The following SUSD1 variants were observed in gnomAD, a reference collection of about 807,000 sequenced individuals.
The protein encoded by SUSD1 is sushi domain-containing protein 1.
In SUSD1, 65 loss-of-function variants were observed where a neutral mutation model predicts 86.9. The observed-to-expected ratio is 0.75, with a 90% confidence interval of 0.61 to 0.92. The LOEUF (loss-of-function observed/expected upper bound fraction) is 0.92, where lower values mean the gene tolerates loss of function less well. Ranked by LOEUF, SUSD1 falls within the 40% of genes least tolerant of loss-of-function variation. The pLI is 0.00. For synonymous variants in SUSD1, 346 were observed against 350.0 expected, an observed-to-expected ratio of 0.99 and a Z score of 0.13; for missense variants, 850 against 929.7, an observed-to-expected ratio of 0.91 and a Z score of 1.11.
Position 112,056,268 on chromosome 9 carries a change from A to G in SUSD1, c.2109+2160T>C, listed in dbSNP as rs1025239278. Among the ~76,000 whole-genome samples, 10 of 148,658 alleles carry G rather than the reference A, an allele frequency of 6.7e-5. No individual in the cohort carries two copies. In the South Asian group the frequency reaches 1.5e-3, roughly 22 times the overall value. On this transcript the variant is annotated intron_variant, in intron 14 of 16. Transcript: ENST00000374270. ...GGCAACAGAGCAAGACTCTGCCTCA[A>G]AAAAAAAAAAGACAGAAAGTAGAAT...
rs1831181554 is a variant in SUSD1, at chr9:112,113,314, A to G, written c.887-446T>C. On this transcript the variant is annotated intron_variant, in intron 6 of 16. Transcript: ENST00000374270. This position sits in a 1 kb window ranked among gnomAD's most constrained non-coding sequence, Gnocchi z 4.1. ...CACTGCTATCCCCAGGGGGAAAATG[A>G]CATGTCTCACCACACAGGACCATGC... Among the ~76,000 whole-genome samples the G allele has an allele frequency of 6.6e-6, 1 of 152,194 alleles. No individual in the cohort carries two copies. Among genetic ancestry groups the G allele is most frequent in the South Asian group, 2.1e-4 (1 of 4,826 alleles).
At chr9:112,161,162 G>A (rs560688647) in intron 1 of SUSD1, among the ~76,000 whole-genome samples, 1 of 151,840 alleles carries the variant, frequency 6.6e-6, no homozygotes, top group African/African-American at 2.4e-5. Flanking sequence ...TGGATCACTC[G>A]AGGTCAGGAG....
intron 8 of SUSD1, among the ~76,000 whole-genome samples, chr9:112,109,612 C>T (rs547185677): frequency 1.4e-4 from 21 of 152,196 alleles, no homozygotes; most frequent in Admixed American, 4.6e-4. Flanking sequence ...GATGCAAAAC[C>T]GGATCTGCCT....
intron 2 of SUSD1, among the ~76,000 whole-genome samples, chr9:112,156,323 A>T (rs569638547): frequency 6.6e-6 from 1 of 151,966 alleles, no homozygotes; most frequent in Non-Finnish European, 1.5e-5. Flanking sequence ...TTAGCTGGGC[A>T]TGGTGGCACA....
chr9:112,142,940 C>T (rs1162256012), intron 4 of SUSD1, among the ~76,000 whole-genome samples: 1 of 115,686 alleles, frequency 8.6e-6, no homozygotes, highest in African/African-American at 3.2e-5. Context: ...AATAAAAATC[C>T]TTTAAGTTTA....
intron 15 of SUSD1, among the ~76,000 whole-genome samples, chr9:112,043,694 T>C (rs1827838884): frequency 6.6e-6 from 1 of 152,228 alleles, no homozygotes; most frequent in Non-Finnish European, 1.5e-5. Flanking sequence ...GCCAAGAGCC[T>C]TTCTAGAAAA....
intron 1 of SUSD1, chr9:112,173,920 T>A: frequency 3.9e-6 from 1 of 259,538 alleles, no homozygotes; most frequent in South Asian, 4.4e-5. Flanking sequence ...ATGCCGTTTC[T>A]GTGCCATTTT....
intron 6 of SUSD1, among the ~76,000 whole-genome samples, chr9:112,115,927 A>G (rs1442603011): frequency 2.6e-5 from 4 of 152,050 alleles, no homozygotes; most frequent in Non-Finnish European, 2.9e-5. Context: ...TGATGTTGGT[A>G]CCAGTCTTTT....
In SUSD1 at chr9:112,098,667, C is replaced by A; in HGVS notation, c.1282-5G>T. On this transcript the variant is annotated splice_polypyrimidine_tract_variant and splice_region_variant and intron_variant, in intron 9 of 16. Coordinates refer to ENST00000374270, the MANE Select transcript of SUSD1 (RefSeq NM_022486.5). Reference sequence around the variant, plus strand: ...CCTCTGACCCAGAACGGTAAACTGTCATGAGATTAAAAGAAAGTGTTACAT... The same window carrying A: ...CCTCTGACCCAGAACGGTAAACTGTAATGAGATTAAAAGAAAGTGTTACAT... The A allele has an allele frequency of 6.2e-7, 1 of 1,613,920 alleles. No individual in the cohort carries two copies. The highest frequency in any genetic ancestry group is 1.1e-5 in the South Asian group (1 of 91,028).
At chr9:112,117,220 C>A (rs1018307400) in intron 6 of SUSD1, among the ~76,000 whole-genome samples, 6 of 152,222 alleles carry the variant, frequency 3.9e-5, no homozygotes, top group African/African-American at 1.4e-4. Context: ...CATCCCCTAG[C>A]CAAGAAGGGC....
At chr9:112,070,455 T>C (rs1829219833) in intron 12 of SUSD1, among the ~76,000 whole-genome samples, 1 of 152,230 alleles carries the variant, frequency 6.6e-6, no homozygotes, top group African/African-American at 2.4e-5. Flanking sequence ...CCCAAACTGA[T>C]GTCCTGGGTA....
chr9:112,144,858 G>A (rs573047425), intron 3 of SUSD1, among the ~76,000 whole-genome samples: 12 of 152,066 alleles, frequency 7.9e-5, no homozygotes, highest in Non-Finnish European at 1.3e-4. Flanking sequence ...GCAGGTATAG[G>A]GTAAAAACTG....
At chr9:112,152,296 T>C (rs911630729) in intron 2 of SUSD1, among the ~76,000 whole-genome samples, 24 of 152,158 alleles carry the variant, frequency 1.6e-4, no homozygotes, top group Admixed American at 5.9e-4. Flanking sequence ...TTTTAACTTA[T>C]TGACTCTTTT....
chr9:112,091,983 C>T (rs1314720280), intron 10 of SUSD1, among the ~76,000 whole-genome samples: 1 of 152,178 alleles, frequency 6.6e-6, no homozygotes, highest in Non-Finnish European at 1.5e-5. Flanking sequence ...CTTGGCTCAG[C>T]TCCCCAGGCT....
rs1832614050 is a variant in SUSD1, at chr9:112,142,364, C to A, written c.662G>T (p.Cys221Phe). The A allele has an allele frequency of 6.2e-7, 1 of 1,613,842 alleles. No individual in the cohort carries two copies. The highest frequency in any genetic ancestry group is 1.3e-5 in the African/African-American group (1 of 75,026). Residue 221 changes from cysteine to phenylalanine, a missense_variant, in exon 5 of 17, where the codon TGC (cysteine) becomes TTC (phenylalanine). Coordinates refer to ENST00000374270, the MANE Select transcript of SUSD1 (RefSeq NM_022486.5). ...GGACTCCCATGTGCCCAGGCCTGTG[C>A]AGCTTGAAACTGTATCTTCTGGAAC... ...FSVPEDTVSS[C>F]TGLGTWESPK... is the part of the protein sequence containing the mutation.
chr9:112,059,891 T>G (rs1828635835), intron 13 of SUSD1, among the ~76,000 whole-genome samples: 1 of 152,180 alleles, frequency 6.6e-6, no homozygotes, highest in Admixed American at 6.5e-5. Context: ...ACGACTGACT[T>G]GTATTCTTGC....
In SUSD1 at chr9:112,082,349, T is replaced by C. The variant is rs190003688; in HGVS notation, c.1475-2184A>G. ...TAGTCCCTGGAACCTGTATGTTACC[T>C]TACATGGCAGAAACACTTTGTAGAG... On this transcript the variant is annotated intron_variant, in intron 10 of 16. Coordinates refer to ENST00000374270, the MANE Select transcript of SUSD1 (RefSeq NM_022486.5). 2.0e-5 allele frequency among the ~76,000 whole-genome samples: 3 copies of C among 152,338 alleles called. No individual in the cohort carries two copies. The East Asian group carries it at 5.8e-4, about 29-fold the overall frequency.
chr9:112,072,753 T>C (rs942290555), intron 12 of SUSD1, among the ~76,000 whole-genome samples: 2 of 152,132 alleles, frequency 1.3e-5, no homozygotes, highest in African/African-American at 4.8e-5. Context: ...TGTGGAAGCA[T>C]GGAAGGGCAA....
rs148410492 is a variant in SUSD1, at chr9:112,111,013, G to C, written c.1171+641C>G. Among the ~76,000 whole-genome samples, 141 of 151,974 alleles carry C rather than the reference G, an allele frequency of 9.3e-4. 2 individuals are homozygous for C. The highest frequency in any genetic ancestry group is 3.2e-3 in the African/African-American group (132 of 41,420). ...GTTTTTTTGGGTTTTTTTTGAGACA[G>C]AGTCTTGCCCTGTTGCCCAGGCAGG... On this transcript the variant is annotated intron_variant, in intron 8 of 16. Transcript: ENST00000374270.
Sources: allele counts gnomAD v4.1 joint callset (sites outside exome capture counted in the v4.1 genomes callset), GRCh38; gene constraint gnomAD v4.1.1; non-coding constraint Gnocchi (gnomAD v3.1); transcripts MANE v1.5; gene names NCBI Gene and HGNC (gene_info 2026-07-23, HGNC 2026-07-21).